The following STRBP variants were observed in gnomAD, a reference collection of about 807,000 sequenced individuals.
STRBP encodes spermatid perinuclear RNA-binding protein.
STRBP carries 13 observed loss-of-function variants against 80.1 expected under a neutral mutation model. The ratio of observed to expected loss-of-function variants is 0.16; its 90% CI spans 0.11 to 0.26. The LOEUF is 0.26. Ranked by LOEUF, STRBP falls within the 10% of genes least tolerant of loss-of-function variation. STRBP has a pLI of 1.00. For synonymous variants in STRBP, 284 were observed against 291.2 expected (o/e 0.98, Z 0.25); for missense variants, 485 against 815.2 (o/e 0.59, Z 4.93).
chr9:123,141,799 G>A (rs573404497), intron 13 of STRBP, among the ~76,000 whole-genome samples: 1 of 152,184 alleles, frequency 6.6e-6, no homozygotes, highest in Admixed American at 6.5e-5. Flanking sequence ...GTCCAACACA[G>A]TGTAACCAAA....
rs778359262 is a variant in STRBP at position 123,136,011 on chromosome 9, G to A, written c.1773+30C>T. On this transcript the variant is annotated intron_variant, in intron 16 of 18. Coordinates refer to ENST00000348403, the MANE Select transcript of STRBP (RefSeq NM_018387.5). This position sits in a 1 kb window ranked among gnomAD's most constrained non-coding sequence, Gnocchi z 4.2. ...TTAATTCCTCTAACATTTTTCACAG[G>A]TTCTGCAAAGGTTTAATGTTTACTC... The A allele has an allele frequency of 4.4e-6, 7 of 1,608,970 alleles. No homozygotes were observed. The highest frequency in any genetic ancestry group is 5.9e-6 in the Non-Finnish European group (7 of 1,177,310).
chr9:123,172,052 T>A (rs2132431484), intron 5 of STRBP, among the ~76,000 whole-genome samples: 1 of 152,316 alleles, frequency 6.6e-6, no homozygotes, highest in Non-Finnish European at 1.5e-5. Context: ...CTTGGCCCAA[T>A]CTTCTCTGTC....
intron 1 of STRBP, among the ~76,000 whole-genome samples, chr9:123,264,006 C>T (rs1482390943): frequency 2.6e-5 from 4 of 152,210 alleles, no homozygotes; most frequent in South Asian, 2.1e-4. Flanking sequence ...GGTGAAACCC[C>T]GCCTCTACTA....
intron 2 of STRBP, among the ~76,000 whole-genome samples, chr9:123,223,721 AT>A (rs958229717): frequency 9.2e-5 from 14 of 151,428 alleles, no homozygotes; most frequent in African/African-American, 1.9e-4. Flanking sequence ...CAACGTTACA[AT>A]TTTTTTTTAT....
chr9:123,209,742 G>C lies in STRBP; in HGVS notation c.-164-25444C>G, dbSNP rs192304027. Among the ~76,000 whole-genome samples the C allele has an allele frequency of 2.0e-4, 30 of 152,224 alleles. No individual in the cohort carries two copies. In the South Asian group the frequency reaches 2.9e-3, roughly 15 times the overall value. On this transcript the variant is annotated intron_variant, in intron 2 of 18. Coordinates refer to ENST00000348403, the MANE Select transcript of STRBP (RefSeq NM_018387.5). Reference sequence around the variant, plus strand: ...ATACAGGTATTTACCATACAATGTTGATAAGCAGAATGAAATATTTTCAAG... The same window carrying C: ...ATACAGGTATTTACCATACAATGTTCATAAGCAGAATGAAATATTTTCAAG...
intron 2 of STRBP, among the ~76,000 whole-genome samples, chr9:123,206,304 A>C (rs1376911356): frequency 2.0e-5 from 3 of 152,260 alleles, no homozygotes; most frequent in Non-Finnish European, 4.4e-5. Context: ...AAAGCTAAAA[A>C]ACAGACAATT....
At chr9:123,209,154 G>A (rs1182016977) in intron 2 of STRBP, among the ~76,000 whole-genome samples, 1 of 152,196 alleles carries the variant, frequency 6.6e-6, no homozygotes, top group African/African-American at 2.4e-5. Flanking sequence ...AAGAAGGCTA[G>A]TCTAGAACTA....
intron 2 of STRBP, among the ~76,000 whole-genome samples, chr9:123,190,187 G>C (rs935264298): frequency 6.6e-6 from 1 of 151,412 alleles, no homozygotes; most frequent in Non-Finnish European, 1.5e-5. Context: ...GACTGAGGCA[G>C]AAGAATCACT....
intron 16 of STRBP, among the ~76,000 whole-genome samples, chr9:123,133,371 C>G (rs982108402): frequency 6.6e-6 from 1 of 152,132 alleles, no homozygotes; most frequent in Non-Finnish European, 1.5e-5. Flanking sequence ...AACTGCGAAT[C>G]TGAGTGGGGC....
chr9:123,135,577 C>T (rs1397654346), intron 16 of STRBP, among the ~76,000 whole-genome samples: 1 of 152,108 alleles, frequency 6.6e-6, no homozygotes, highest in Admixed American at 6.5e-5. Context: ...CACAATACAG[C>T]GCCAAATTTT....
chr9:123,141,216 C>A (rs1293878166), intron 13 of STRBP, among the ~76,000 whole-genome samples: 2 of 152,070 alleles, frequency 1.3e-5, no homozygotes, highest in African/African-American at 4.8e-5. Context: ...ACAGTGTTAC[C>A]CTAAACCAAA....
chr9:123,222,293 A>G (rs1443872484), intron 2 of STRBP, among the ~76,000 whole-genome samples: 1 of 151,886 alleles, frequency 6.6e-6, no homozygotes, highest in Admixed American at 6.6e-5. Context: ...ATGTGCCCCG[A>G]GCCTTTCACA....
At chr9:123,259,073 A>G (rs1468942189) in intron 1 of STRBP, among the ~76,000 whole-genome samples, 9 of 133,736 alleles carry the variant, frequency 6.7e-5, no homozygotes, top group East Asian at 7.4e-4. Flanking sequence ...AAAAAAAAAA[A>G]AAGGGGGGGG....
At chr9:123,182,179 C>T (rs1343740600) in intron 3 of STRBP, among the ~76,000 whole-genome samples, 3 of 134,562 alleles carry the variant, frequency 2.2e-5, no homozygotes, top group Non-Finnish European at 4.6e-5. Context: ...CGTGCCATTG[C>T]ACTCCAGCCT....
chr9:123,198,353 G>C (rs1053173494), intron 2 of STRBP, among the ~76,000 whole-genome samples: 12 of 151,992 alleles, frequency 7.9e-5, no homozygotes, highest in Non-Finnish European at 1.8e-4. Context: ...GGCCAGGCTG[G>C]TCTTTAACTC....
chr9:123,123,655 CA>C lies in STRBP; in HGVS notation c.*1941del. 1.0e-6 allele frequency: 1 copy of C among 985,316 alleles called. No homozygotes were observed. The allele number at this position is 985,316 out of a possible 1,614,324, so 61.0% of individuals were successfully genotyped here. A position where few individuals can be genotyped will look rare whatever the true frequency, so the allele number is the denominator to read the frequency against. ...AGTTATGAAGCAGAGTCAGCTACTTCAAAAGAATTTTCTAACGAGAAATATC... is the reference window on the plus strand; with the variant it reads ...AGTTATGAAGCAGAGTCAGCTACTTCAAAGAATTTTCTAACGAGAAATATC... On this transcript the variant is annotated 3_prime_UTR_variant, in exon 19 of 19. Coordinates refer to ENST00000348403, the MANE Select transcript of STRBP (RefSeq NM_018387.5).
At chr9:123,223,736 C>A (rs1032848449) in intron 2 of STRBP, among the ~76,000 whole-genome samples, 1 of 151,684 alleles carries the variant, frequency 6.6e-6, no homozygotes. Context: ...TTTTTATGAA[C>A]CTCTTGGATT....
At chr9:123,253,379 C>T (rs770274473) in intron 1 of STRBP, among the ~76,000 whole-genome samples, 46 of 152,208 alleles carry the variant, frequency 3.0e-4, no homozygotes, top group Admixed American at 1.8e-3. Context: ...ACCAACAGGA[C>T]TAACAAACTC....
At chr9:123,238,965 A>G (rs2040633164) in intron 1 of STRBP, among the ~76,000 whole-genome samples, 3 of 152,254 alleles carry the variant, frequency 2.0e-5, no homozygotes, top group Non-Finnish European at 2.9e-5. Flanking sequence ...TAACATTACA[A>G]AAGTTTCAGA....
Sources: gnomAD v4.1 joint callset for allele counts (sites outside exome capture counted in the v4.1 genomes callset) on GRCh38, gnomAD v4.1.1 for gene constraint, Gnocchi (gnomAD v3.1) non-coding constraint, MANE v1.5 for transcripts, NCBI Gene and HGNC (gene_info 2026-07-23, HGNC 2026-07-21) for gene names.